Variants in PGR observed in about 807,000 individuals in gnomAD.
PGR encodes the protein progesterone receptor, also known as nuclear receptor subfamily 3 group C member 3.
PGR carries 25 observed loss-of-function variants against 76.1 expected under a neutral mutation model. The ratio of observed to expected loss-of-function variants is 0.33; its 90% CI spans 0.24 to 0.46. The LOEUF (loss-of-function observed/expected upper bound fraction) is 0.46, where lower values mean the gene tolerates loss of function less well. Ranked by LOEUF, PGR falls within the 20% of genes least tolerant of loss-of-function variation. PGR has a pLI of 1.00. For synonymous variants in PGR, 579 were observed against 535.0 expected, an observed-to-expected ratio of 1.08 and a Z score of -1.14; for missense variants, 1,172 against 1,225.3, an observed-to-expected ratio of 0.96 and a Z score of 0.65.
At chr11:101,059,743 T>G (rs1860414243) in intron 4 of PGR, among the ~76,000 whole-genome samples, 1 of 147,646 alleles carries the variant, frequency 6.8e-6, no homozygotes, top group East Asian at 2.0e-4. Context: ...ATCAGGAGGC[T>G]GAGGTGGTAG....
intron 3 of PGR, among the ~76,000 whole-genome samples, chr11:101,090,280 T>C (rs1861637920): frequency 6.6e-6 from 1 of 152,214 alleles, no homozygotes; most frequent in Admixed American, 6.5e-5. Context: ...AGGAGTATTC[T>C]GAAGGTTCTA....
At chr11:101,107,980 G>A (rs1455968908) in intron 2 of PGR, among the ~76,000 whole-genome samples, 1 of 151,960 alleles carries the variant, frequency 6.6e-6, no homozygotes, top group Non-Finnish European at 1.5e-5. Context: ...CTGGCCAGGT[G>A]CAGTGGCTCA....
intron 1 of PGR, 28 bp downstream of exon 1, chr11:101,127,406 C>A: frequency 6.7e-7 from 1 of 1,500,928 alleles, no homozygotes; most frequent in Non-Finnish European, 8.9e-7. Flanking sequence ...CCCGGACGCG[C>A]TGGGCGTGCC....
chr11:101,041,081 C>T (rs1218069906), intron 7 of PGR, among the ~76,000 whole-genome samples: 2 of 130,000 alleles, frequency 1.5e-5, no homozygotes, highest in East Asian at 2.0e-4. Context: ...TCATGGATAC[C>T]GTATCATTCT....
intron 2 of PGR, among the ~76,000 whole-genome samples, chr11:101,103,313 C>T (rs767378664): frequency 6.6e-5 from 10 of 152,124 alleles, no homozygotes; most frequent in South Asian, 2.1e-4. Flanking sequence ...GAATCTAAGA[C>T]GACACAGAAT....
intron 3 of PGR, 143 bp from the exon 4 acceptor site, chr11:101,062,895 T>A (rs1433197923): frequency 2.7e-5 from 16 of 589,584 alleles, no homozygotes; most frequent in Admixed American, 3.3e-5. Flanking sequence ...GTGTTAGATA[T>A]TAAAATTACA....
intron 3 of PGR, among the ~76,000 whole-genome samples, chr11:101,084,795 AAACAGAAAACAAAAAAGAGCAGGGG>A (rs1861435954): frequency 6.6e-6 from 1 of 152,232 alleles, no homozygotes; most frequent in African/African-American, 2.4e-5. Flanking sequence ...TGTAGCATGC[AAACAGAAAACAAAAAAGAGCAGGGG>A]TTGCTATTCT....
intron 4 of PGR, among the ~76,000 whole-genome samples, chr11:101,055,399 AG>A (rs988507033): frequency 7.8e-6 from 1 of 128,822 alleles, no homozygotes; most frequent in African/African-American, 3.0e-5. Flanking sequence ...CTGGTGACAC[AG>A]CGAGACTCCA....
At chr11:101,118,834 C>T (rs1591431107) in intron 2 of PGR, among the ~76,000 whole-genome samples, 1 of 152,142 alleles carries the variant, frequency 6.6e-6, no homozygotes, top group African/African-American at 2.4e-5. Context: ...ATCGGCCTCT[C>T]CTCAAATTAG....
chr11:101,081,404 G>A (rs964034468), intron 3 of PGR, among the ~76,000 whole-genome samples: 5 of 151,318 alleles, frequency 3.3e-5, no homozygotes, highest in African/African-American at 1.2e-4. Context: ...ACTCCAGCCT[G>A]TGTGACACAG....
At chr11:101,101,425 T>C (rs1861993707) in intron 2 of PGR, among the ~76,000 whole-genome samples, 1 of 152,208 alleles carries the variant, frequency 6.6e-6, no homozygotes, top group South Asian at 2.1e-4. Flanking sequence ...ATTAAGTGTA[T>C]TTTAAGATTA....
intron 3 of PGR, among the ~76,000 whole-genome samples, chr11:101,083,097 C>T (rs1018474152): frequency 2.6e-5 from 4 of 152,194 alleles, no homozygotes; most frequent in African/African-American, 9.6e-5. Context: ...GACATGGTGC[C>T]CTGCATTCCA....
intron 2 of PGR, 148 bp downstream of exon 2, chr11:101,125,859 A>G (rs1862824657): frequency 1.3e-6 from 1 of 741,116 alleles, no homozygotes; most frequent in Non-Finnish European, 2.2e-6. Flanking sequence ...ATAAAAACAT[A>G]TTGTTAAAAT....
In PGR at chr11:101,031,402, G is replaced by A; in HGVS notation, c.*7714C>T. ...CCTTCCCAGCTGCTGTCTGGTTAGT[G>A]GAACTAACAATTTCCTTGATGGAAA... On this transcript the variant is annotated 3_prime_UTR_variant, in exon 8 of 8. Coordinates refer to ENST00000325455, the MANE Select transcript of PGR (RefSeq NM_000926.4). 4.5e-6 allele frequency: 1 copy of A among 223,452 alleles called. No homozygotes were observed. The highest frequency in any genetic ancestry group is 8.9e-6 in the Non-Finnish European group (1 of 111,926). 13.8% of individuals were successfully genotyped at this position (223,452 alleles called of 1,614,324 possible).
intron 2 of PGR, among the ~76,000 whole-genome samples, chr11:101,102,940 A>C (rs1422898554): frequency 6.6e-6 from 1 of 151,958 alleles, no homozygotes; most frequent in Admixed American, 6.6e-5. Flanking sequence ...TTAGATTCTC[A>C]TAAGGAGCAC....
At chr11:101,097,953 T>G (rs776510317) in intron 2 of PGR, among the ~76,000 whole-genome samples, 1 of 152,010 alleles carries the variant, frequency 6.6e-6, no homozygotes, top group Non-Finnish European at 1.5e-5. Context: ...ATTTTTTGTA[T>G]TTTTAGTAGA....
chr11:101,110,627 A>C (rs1006819332), intron 2 of PGR, among the ~76,000 whole-genome samples: 2 of 152,096 alleles, frequency 1.3e-5, no homozygotes, highest in Non-Finnish European at 2.9e-5. Flanking sequence ...AAATGACAAC[A>C]AAAGATTTAG....
Position 101,062,680 on chromosome 11 carries a change from A to G in PGR, c.1979T>C (p.Val660Ala). The G allele has an allele frequency of 3.7e-6, 6 of 1,614,004 alleles. No homozygotes were observed. The highest frequency in any genetic ancestry group is 5.1e-6 in the Non-Finnish European group (6 of 1,179,932). ...GGCTTGGCTTTCATTTGGAACGCCC[A>G]CTGGCTGTGGGAGAGCAACAGCATC... The part of the protein sequence containing the change: ...ALDAVALPQP[V>A]GVPNESQALS... The change falls in exon 4 of 8, where the codon GTG (valine) becomes GCG (alanine). Residue 660 changes from valine to alanine, a missense_variant. Physicochemically the swap from Val to Ala is moderately conservative, Grantham distance 64 (BLOSUM62 0). Transcript: ENST00000325455.
chr11:101,061,903 GGGTATAAATTA>G (rs1306251873), intron 4 of PGR, among the ~76,000 whole-genome samples: 1 of 151,928 alleles, frequency 6.6e-6, no homozygotes, highest in East Asian at 1.9e-4. Flanking sequence ...TACTCTCTTT[GGGTATAAATTA>G]GAGGAATAGT....
Sources: gnomAD v4.1 joint callset for allele counts (sites outside exome capture counted in the v4.1 genomes callset) on GRCh38, gnomAD v4.1.1 for gene constraint, MANE v1.5 for transcripts, NCBI Gene and HGNC (gene_info 2026-07-23, HGNC 2026-07-21) for gene names.